MAGI1: variants seen among roughly 807,000 people sequenced by gnomAD.
MAGI1 encodes the protein membrane-associated guanylate kinase, WW and PDZ domain-containing protein 1.
In MAGI1, 58 loss-of-function variants were observed where a neutral mutation model predicts 139.9. The ratio of observed to expected loss-of-function variants is 0.41; its 90% CI spans 0.34 to 0.52. The LOEUF (loss-of-function observed/expected upper bound fraction) is 0.52, where lower values mean the gene tolerates loss of function less well. Among genes scored for constraint, MAGI1 ranks in the 20% least tolerant of loss-of-function variants. The probability of loss-of-function intolerance (pLI) is 0.12; values close to 1 mark genes in which losing one functional copy is unlikely to be tolerated. For synonymous variants in MAGI1, 812 were observed against 737.9 expected, an observed-to-expected ratio of 1.10 and a Z score of -1.63; for missense variants, 1,874 against 1,901.6, an observed-to-expected ratio of 0.99 and a Z score of 0.27.
chr3:65,555,736 T>C (rs1431125363), intron 2 of MAGI1, among the ~76,000 whole-genome samples: 2 of 152,106 alleles, frequency 1.3e-5, no homozygotes, highest in Non-Finnish European at 2.9e-5. Flanking sequence ...TGCGTGCCTG[T>C]GGTCCCAGCT....
rs766571470 is a variant in MAGI1, at chr3:65,470,407, G to C, written c.835C>G (p.Pro279Ala). 1 of 1,613,622 alleles carries C rather than the reference G, an allele frequency of 6.2e-7. No homozygotes were observed. The highest frequency in any genetic ancestry group is 8.5e-7 in the Non-Finnish European group (1 of 1,179,706). ...AACTTCTGAGAAGGGTCCGTGATGG[G>C]AGCAGCGATGATGCTACTATTCACA... Reference protein sequence around the residue: ...PPVNSSIIAAPITDPSQKFPQ... With the variant: ...PPVNSSIIAAAITDPSQKFPQ... Residue 279 changes from proline (P) to alanine (A), a missense_variant, in exon 5 of 23, where the codon CCC (proline) becomes GCC (alanine). Around this residue, in one of 5 missense-constraint regions of MAGI1, gnomAD observed 648 missense variants for 598.1 expected, o/e 1.08. Transcript: ENST00000402939.
intron 1 of MAGI1, among the ~76,000 whole-genome samples, chr3:66,010,377 C>T (rs1276104897): frequency 2.0e-5 from 3 of 152,150 alleles, no homozygotes; most frequent in African/African-American, 7.2e-5. Context: ...GGGCAATTCA[C>T]AAAGTGCTTT....
intron 1 of MAGI1, among the ~76,000 whole-genome samples, chr3:65,869,607 A>T (rs951605042): frequency 2.6e-5 from 4 of 151,902 alleles, no homozygotes; most frequent in South Asian, 4.2e-4. Flanking sequence ...TCACTGTGTT[A>T]GCCAGGATGG....
chr3:65,684,182 AAAAAG>A (rs1307255619), intron 1 of MAGI1, among the ~76,000 whole-genome samples: 17 of 149,988 alleles, frequency 1.1e-4, no homozygotes, highest in Non-Finnish European at 1.9e-4. Flanking sequence ...AAAAAAAAAA[AAAAAG>A]AAAAGAAAAG....
intron 1 of MAGI1, among the ~76,000 whole-genome samples, chr3:65,645,525 A>G (rs961657117): frequency 2.0e-5 from 3 of 152,182 alleles, no homozygotes; most frequent in Admixed American, 2.0e-4. Flanking sequence ...CAGTAAACCT[A>G]TCCTAAAAAG....
intron 2 of MAGI1, among the ~76,000 whole-genome samples, chr3:65,507,895 G>A (rs1576084615): frequency 7.8e-6 from 1 of 127,462 alleles, no homozygotes; most frequent in South Asian, 2.5e-4. Context: ...TTTTAGAGGT[G>A]ATTTTTTTTT....
Position 65,483,573 on chromosome 3 carries a change from G to A in MAGI1, c.551-4775C>T, listed in dbSNP as rs140183373. On this transcript the variant is annotated intron_variant, in intron 3 of 22. Coordinates refer to ENST00000402939, the MANE Select transcript of MAGI1 (RefSeq NM_001033057.2). ...GTAAGTGATTAAAAACTTAATTGGG[G>A]CTATCACTTGGCAGGCTGCACAGTG... is the stretch of plus-strand genomic sequence containing the variant. Among the ~76,000 whole-genome samples the A allele has an allele frequency of 1.1e-3, 170 of 152,312 alleles. 1 individual carries two copies. The highest frequency in any genetic ancestry group is 2.2e-3 in the Admixed American group (33 of 15,308).
At chr3:65,958,928 A>G (rs923382629) in intron 1 of MAGI1, among the ~76,000 whole-genome samples, 7 of 151,932 alleles carry the variant, frequency 4.6e-5, no homozygotes, top group African/African-American at 1.7e-4. Context: ...CAGAGGATAC[A>G]GTGAGCTGAG....
intron 2 of MAGI1, among the ~76,000 whole-genome samples, chr3:65,556,880 T>C (rs2080108000): frequency 6.6e-6 from 1 of 152,284 alleles, no homozygotes; most frequent in African/African-American, 2.4e-5. Context: ...TGCAGCATCA[T>C]CTCTCAGTAT....
intron 1 of MAGI1, among the ~76,000 whole-genome samples, chr3:65,657,005 CA>C (rs1353874794): frequency 2.3e-5 from 3 of 128,126 alleles, no homozygotes; most frequent in Non-Finnish European, 3.4e-5. Context: ...AAAAAAAAGA[CA>C]CAATAGCAAA....
intron 2 of MAGI1, among the ~76,000 whole-genome samples, chr3:65,498,122 C>A (rs1328548165): frequency 6.6e-6 from 1 of 152,086 alleles, no homozygotes; most frequent in Admixed American, 6.6e-5. Context: ...GCTGGACACA[C>A]GCCTGGCAGA....
chr3:65,516,274 G>T (rs868027724), intron 2 of MAGI1, among the ~76,000 whole-genome samples: 30 of 152,174 alleles, frequency 2.0e-4, no homozygotes, highest in South Asian at 8.3e-4. Context: ...CCACCTCCTG[G>T]GTTCAAGCGA....
intron 1 of MAGI1, among the ~76,000 whole-genome samples, chr3:65,984,987 C>T (rs1439490592): frequency 6.6e-6 from 1 of 152,056 alleles, no homozygotes; most frequent in African/African-American, 2.4e-5. Context: ...GGGCAGAGGC[C>T]CCAGGCCTTC....
rs570996284 is a variant in MAGI1, at chr3:65,904,165, G to C, written c.313+133831C>G. ...GTTCTCAACTTTCCAACTAATTCCA[G>C]ACAGTAATGAGACACCACTACCCTG... On this transcript the variant is annotated intron_variant, in intron 1 of 22. Coordinates refer to ENST00000402939, the MANE Select transcript of MAGI1 (RefSeq NM_001033057.2). Among the ~76,000 whole-genome samples, 5 of 152,236 alleles carry C rather than the reference G, an allele frequency of 3.3e-5. No individual in the cohort carries two copies. The South Asian group carries it at 1.0e-3, about 32-fold the overall frequency.
At chr3:66,007,351 G>T (rs1319224237) in intron 1 of MAGI1, among the ~76,000 whole-genome samples, 1 of 152,136 alleles carries the variant, frequency 6.6e-6, no homozygotes, top group Non-Finnish European at 1.5e-5. Context: ...TCATTAACAG[G>T]TAAGAATCAA....
intron 1 of MAGI1, among the ~76,000 whole-genome samples, chr3:65,713,903 T>A (rs1211188659): frequency 6.6e-6 from 1 of 152,060 alleles, no homozygotes; most frequent in Non-Finnish European, 1.5e-5. Context: ...GAGCTTTCAC[T>A]CCAATGCTGG....
chr3:65,794,644 T>G (rs1022620370), intron 1 of MAGI1, among the ~76,000 whole-genome samples: 1 of 151,274 alleles, frequency 6.6e-6, no homozygotes, highest in African/African-American at 2.4e-5. Context: ...CTAGGGGACC[T>G]GCCTCACAAC....
intron 1 of MAGI1, among the ~76,000 whole-genome samples, chr3:66,024,675 G>C (rs1477353039): frequency 6.6e-6 from 1 of 152,112 alleles, no homozygotes; most frequent in East Asian, 1.9e-4. Context: ...GTGTGGTGGT[G>C]CATGCCTGTA....
At chr3:66,018,151 G>C (rs977349704) in intron 1 of MAGI1, among the ~76,000 whole-genome samples, 2 of 139,782 alleles carry the variant, frequency 1.4e-5, no homozygotes, top group Non-Finnish European at 3.0e-5. Flanking sequence ...ATTTAATGTT[G>C]TTTTCTTTTA....
Sources: gnomAD v4.1 joint callset for allele counts (sites outside exome capture counted in the v4.1 genomes callset) on GRCh38, gnomAD v4.1.1 for gene constraint, gnomAD v4.1.1 regional missense constraint, MANE v1.5 for transcripts, NCBI Gene and HGNC (gene_info 2026-07-23, HGNC 2026-07-21) for gene names.